Variants in ASAP1 observed in about 807,000 individuals in gnomAD.
The protein encoded by ASAP1 is arf-GAP with SH3 domain, ANK repeat and PH domain-containing protein 1.
Under a neutral mutation model 145.2 loss-of-function variants are expected in ASAP1, and 43 were observed. The ratio of observed to expected loss-of-function variants is 0.30; its 90% confidence interval spans 0.23 to 0.38. The LOEUF is 0.38. Ranked by LOEUF, ASAP1 falls within the 10% of genes least tolerant of loss-of-function variation. The pLI is 1.00. For missense variants in ASAP1, 1,018 were observed against 1,355.3 expected, an observed-to-expected ratio of 0.75 and a Z score of 3.91; for synonymous variants, 546 against 515.5, an observed-to-expected ratio of 1.06 and a Z score of -0.80.
intron 1 of ASAP1, among the ~76,000 whole-genome samples, chr8:130,405,954 A>G (rs1270576926): frequency 6.6e-6 from 1 of 152,198 alleles, no homozygotes; most frequent in Non-Finnish European, 1.5e-5. Context: ...ATACTAGTCA[A>G]GAAAGTAATC....
chr8:130,268,490 AACAC>A (rs113714700), intron 3 of ASAP1, among the ~76,000 whole-genome samples: 3,110 of 133,138 alleles, frequency 0.023, 106 homozygotes, highest in African/African-American at 0.075. Flanking sequence ...CCCGTCTTAA[AACAC>A]ACACACACAC....
In ASAP1 at chr8:130,159,970, A is replaced by G. The variant is rs201260599; in HGVS notation, c.910-6T>C. 7.0e-5 allele frequency: 112 copies of G among 1,610,840 alleles called. No individual in the cohort carries two copies. The highest frequency in any genetic ancestry group is 8.6e-5 in the Non-Finnish European group (101 of 1,177,198). On this transcript the variant is annotated splice_polypyrimidine_tract_variant and splice_region_variant and intron_variant, in intron 11 of 29. Coordinates refer to ENST00000518721, the MANE Select transcript of ASAP1 (RefSeq NM_018482.4). ...CCTTGCCGGCTCTGAGAATCCTAGG[A>G]AAGAAAAACTACAGATTAAACAAAA...
intron 17 of ASAP1, among the ~76,000 whole-genome samples, chr8:130,124,336 A>G (rs2097571555): frequency 6.6e-6 from 1 of 152,218 alleles, no homozygotes; most frequent in South Asian, 2.1e-4. Context: ...CTTTCCATAG[A>G]TGCTCATAGT....
intron 27 of ASAP1, among the ~76,000 whole-genome samples, chr8:130,065,023 T>C (rs2097427715): frequency 6.6e-6 from 1 of 151,942 alleles, no homozygotes; most frequent in African/African-American, 2.4e-5. Flanking sequence ...TACAGGCCTG[T>C]GTCACCATGC....
chr8:130,404,944 G>A (rs1451190434), intron 1 of ASAP1, among the ~76,000 whole-genome samples: 2 of 151,800 alleles, frequency 1.3e-5, no homozygotes, highest in South Asian at 2.1e-4. Context: ...AAGACATGTG[G>A]AGCAGATCCC....
intron 13 of ASAP1, among the ~76,000 whole-genome samples, chr8:130,146,011 T>TTTGTG (rs2097628786): frequency 6.9e-6 from 1 of 144,612 alleles, no homozygotes; most frequent in Non-Finnish European, 1.5e-5. Context: ...CTGGCTAAGT[T>TTTGTG]TTGTGTTTTT....
intron 3 of ASAP1, among the ~76,000 whole-genome samples, chr8:130,356,423 A>G (rs1169904642): frequency 6.6e-6 from 1 of 152,204 alleles, no homozygotes; most frequent in Non-Finnish European, 1.5e-5. Context: ...CTCCTGTATC[A>G]ACATGTTTCA....
chr8:130,378,533 A>G (rs1443732104), intron 2 of ASAP1, among the ~76,000 whole-genome samples: 2 of 152,270 alleles, frequency 1.3e-5, no homozygotes, highest in African/African-American at 2.4e-5. Flanking sequence ...CAGTGCAATG[A>G]AAACAAATAA....
At chr8:130,412,236 A>T (rs1243327369) in intron 1 of ASAP1, among the ~76,000 whole-genome samples, 2 of 152,116 alleles carry the variant, frequency 1.3e-5, no homozygotes, top group Non-Finnish European at 2.9e-5. Context: ...TTTCATACTG[A>T]ATTATAATCC....
intron 27 of ASAP1, among the ~76,000 whole-genome samples, chr8:130,062,327 T>C (rs184699517): frequency 3.3e-4 from 51 of 152,322 alleles, no homozygotes; most frequent in Non-Finnish European, 1.0e-4. Flanking sequence ...ATAAACCTCA[T>C]GTTGTAAATG....
intron 26 of ASAP1, among the ~76,000 whole-genome samples, chr8:130,078,398 G>A (rs1046494697): frequency 4.6e-5 from 7 of 151,982 alleles, no homozygotes; most frequent in Admixed American, 1.3e-4. Context: ...GGGCTCAGGC[G>A]GTCCTCTTGC....
intron 11 of ASAP1, 199 bp from the exon 12 acceptor site, chr8:130,160,163 G>A (rs1187744153): frequency 3.6e-6 from 2 of 551,568 alleles, no homozygotes; most frequent in Non-Finnish European, 3.2e-6. Context: ...GCAAGTCCGA[G>A]GCAGAGCTGG....
At chr8:130,117,326 G>C (rs1423497528) in intron 20 of ASAP1, among the ~76,000 whole-genome samples, 1 of 152,208 alleles carries the variant, frequency 6.6e-6, no homozygotes, top group East Asian at 1.9e-4. Context: ...AGGCTGAAGT[G>C]CTTGCTTTCA....
At chr8:130,208,625 C>T (rs1003556543) in intron 5 of ASAP1, 11 of 151,982 alleles carry the variant, frequency 7.2e-5, no homozygotes, top group Admixed American at 2.0e-4. Flanking sequence ...AGATCTTGCA[C>T]GTACTTGGGT....
intron 1 of ASAP1, among the ~76,000 whole-genome samples, chr8:130,407,074 T>C (rs1829064233): frequency 1.3e-5 from 2 of 152,234 alleles, no homozygotes; most frequent in African/African-American, 4.8e-5. Flanking sequence ...AGAACATGAT[T>C]AAAGCACTAA....
In ASAP1 at chr8:130,126,103, G is replaced by C; in HGVS notation, c.1382-14C>G. On this transcript the variant is annotated splice_polypyrimidine_tract_variant and intron_variant, in intron 16 of 29. Transcript: ENST00000518721. ...GCCAGGTGGGTTCTGTGGAAAGAAT[G>C]TTGAAGACAATGAAACAAAAAAGAC... The C allele has an allele frequency of 6.3e-7, 1 of 1,594,990 alleles. No homozygotes were observed. Among genetic ancestry groups the C allele is most frequent in the Non-Finnish European group, 8.5e-7 (1 of 1,173,846 alleles).
intron 1 of ASAP1, among the ~76,000 whole-genome samples, chr8:130,443,221 C>A (rs959180540): frequency 1.3e-5 from 2 of 151,816 alleles, no homozygotes; most frequent in African/African-American, 4.8e-5. Context: ...GACCTCCCCC[C>A]CCCACCGGGC....
intron 3 of ASAP1, among the ~76,000 whole-genome samples, chr8:130,333,156 A>G (rs1824805297): frequency 6.6e-6 from 1 of 151,858 alleles, no homozygotes; most frequent in East Asian, 1.9e-4. Flanking sequence ...CTTATTATCT[A>G]CTCCTTATTT....
intron 3 of ASAP1, among the ~76,000 whole-genome samples, chr8:130,336,114 A>C (rs1538728): frequency 6.6e-6 from 1 of 151,912 alleles, no homozygotes; most frequent in African/African-American, 2.4e-5. Context: ...AATGCAAAAC[A>C]AAGTTTCAGA....
Sources: allele counts gnomAD v4.1 joint callset (sites outside exome capture counted in the v4.1 genomes callset), GRCh38; gene constraint gnomAD v4.1.1; transcripts MANE v1.5; gene names NCBI Gene and HGNC (gene_info 2026-07-23, HGNC 2026-07-21).